Variants in CNNM2 observed in about 807,000 individuals in gnomAD.
CNNM2 encodes cyclin and CBS domain divalent metal cation transport mediator 2, also known as metal transporter CNNM2.
In CNNM2, 12 loss-of-function variants were observed where a neutral mutation model predicts 66.9. The ratio of observed to expected loss-of-function variants is 0.18; its 90% CI spans 0.11 to 0.29. The LOEUF is 0.29. CNNM2 is among the 10% of genes least tolerant of loss of function. The pLI, the probability that CNNM2 is intolerant of heterozygous loss-of-function variation, is 1.00. For missense variants in CNNM2, 705 were observed against 1,167.7 expected, an observed-to-expected ratio of 0.60 and a Z score of 5.77; for synonymous variants, 557 against 501.8, an observed-to-expected ratio of 1.11 and a Z score of -1.47.
chr10:103,015,884 C>T (rs2064437254), intron 1 of CNNM2, among the ~76,000 whole-genome samples: 1 of 151,784 alleles, frequency 6.6e-6, no homozygotes, highest in South Asian at 2.1e-4. Context: ...AAACAAAAAA[C>T]TCAGAAAGGT....
intron 1 of CNNM2, among the ~76,000 whole-genome samples, chr10:102,939,979 A>AAAC (rs141860759): frequency 6.6e-6 from 1 of 150,808 alleles, no homozygotes; most frequent in Non-Finnish European, 1.5e-5. Context: ...AAAAACAAAC[A>AAAC]AACAACAACA....
intron 1 of CNNM2, among the ~76,000 whole-genome samples, chr10:102,985,369 G>T (rs1322628563): frequency 6.6e-6 from 1 of 152,018 alleles, no homozygotes; most frequent in Non-Finnish European, 1.5e-5. Flanking sequence ...TTAAAATTCT[G>T]CTGTGAGTCC....
At chr10:103,015,572 G>A (rs1249056969) in intron 1 of CNNM2, among the ~76,000 whole-genome samples, 3 of 151,934 alleles carry the variant, frequency 2.0e-5, no homozygotes, top group Admixed American at 6.6e-5. Context: ...AAAGGTGCCC[G>A]GCCGGCTGCA....
intron 1 of CNNM2, among the ~76,000 whole-genome samples, chr10:103,034,828 C>T (rs1024842101): frequency 1.3e-5 from 2 of 151,590 alleles, no homozygotes; most frequent in Admixed American, 6.6e-5. Flanking sequence ...TAGCCGGGCG[C>T]GGTGGCGGGC....
At chr10:102,943,818 A>G (rs1347984925) in intron 1 of CNNM2, among the ~76,000 whole-genome samples, 1 of 152,148 alleles carries the variant, frequency 6.6e-6, no homozygotes, top group Non-Finnish European at 1.5e-5. Flanking sequence ...GTCTGTACAC[A>G]TTGTCTGTAG....
Position 102,918,908 on chromosome 10 carries a change from C to G in CNNM2, c.428C>G (p.Pro143Arg), listed in dbSNP as rs1021336523. 6.8e-6 allele frequency: 11 copies of G among 1,611,504 alleles called. No individual in the cohort carries two copies. The highest frequency in any genetic ancestry group is 2.2e-5 in the East Asian group (1 of 44,776). ...RGLGGPAPPE[P>R]DSGPQRCGIR... ...CTGGGGGGCCCCGCGCCGCCAGAGC[C>G]GGACAGCGGCCCCCAGCGATGCGGC... Residue 143 changes from proline (P) to arginine (R), a missense_variant, in exon 1 of 8, where the codon CCG (proline) becomes CGG (arginine). This residue lies in a region of CNNM2 where 100 missense variants were observed against 151.9 expected (regional missense o/e 0.66). Transcript: ENST00000369878. This position sits in a 1 kb window ranked among gnomAD's most constrained non-coding sequence, Gnocchi z 4.1.
At chr10:103,010,762 G>A (rs1381798155) in intron 1 of CNNM2, among the ~76,000 whole-genome samples, 6 of 151,898 alleles carry the variant, frequency 4.0e-5, no homozygotes, top group Non-Finnish European at 8.8e-5. Flanking sequence ...ATAGGCGCCC[G>A]CCACCATGCC....
intron 1 of CNNM2, among the ~76,000 whole-genome samples, chr10:103,040,410 G>GAGA (rs567638557): frequency 6.6e-5 from 10 of 152,090 alleles, no homozygotes; most frequent in African/African-American, 1.9e-4. Flanking sequence ...TTAAGAAGGG[G>GAGA]AGAGTGGAGG....
rs35361809 is a variant in CNNM2 at position 102,934,279 on chromosome 10, C to CT, written c.1621+14191dup. ...AGTCTATTTCTTTCTTTCTTTCTTT[C>CT]TTTTTTTTTTTTTGAGACAGAGCCT... On this transcript the variant is annotated intron_variant, in intron 1 of 7. Coordinates refer to ENST00000369878, the MANE Select transcript of CNNM2 (RefSeq NM_017649.5). 1.7e-3 allele frequency among the ~76,000 whole-genome samples: 224 copies of CT among 133,670 alleles called. 1 individual carries two copies. Among genetic ancestry groups the CT allele is most frequent in the African/African-American group, 5.2e-3 (183 of 35,354 alleles). The allele number at this position is 133,670 out of a possible 152,430, so 87.7% of individuals were successfully genotyped here.
chr10:103,065,602 A>C (rs2134354908), intron 4 of CNNM2, among the ~76,000 whole-genome samples: 1 of 152,338 alleles, frequency 6.6e-6, no homozygotes, highest in East Asian at 1.9e-4. Flanking sequence ...ACAACACAAA[A>C]GGCCCTGTAA....
chr10:102,982,834 A>T (rs907942129), intron 1 of CNNM2, among the ~76,000 whole-genome samples: 1 of 152,218 alleles, frequency 6.6e-6, no homozygotes, highest in African/African-American at 2.4e-5. Flanking sequence ...GTTGCAATAC[A>T]GTTTTGTCAT....
chr10:103,090,187 C>T lies in CNNM2; in HGVS notation c.*13007C>T. 7.5e-6 allele frequency: 3 copies of T among 398,776 alleles called. No individual in the cohort carries two copies. In the South Asian group the frequency reaches 2.0e-4, roughly 26 times the overall value. The allele number at this position is 398,776 out of a possible 1,614,324, so 24.7% of individuals were successfully genotyped here. On this transcript the variant is annotated 3_prime_UTR_variant, in exon 8 of 8. Transcript: ENST00000369878. ...TATTTTACAGCAAAAACAAGATAGT[C>T]CTGAAACAGATCAGAATAAAGGAAT...
chr10:102,970,979 C>T (rs1398625534), intron 1 of CNNM2, among the ~76,000 whole-genome samples: 1 of 151,348 alleles, frequency 6.6e-6, no homozygotes, highest in Non-Finnish European at 1.5e-5. Context: ...TCATGTGAGC[C>T]CAGGAGTTTG....
chr10:103,002,930 T>C (rs2064150889), intron 1 of CNNM2, among the ~76,000 whole-genome samples: 1 of 152,122 alleles, frequency 6.6e-6, no homozygotes, highest in Non-Finnish European at 1.5e-5. Context: ...GAAAAACATA[T>C]ATTCACATAA....
intron 1 of CNNM2, among the ~76,000 whole-genome samples, chr10:103,042,118 T>G (rs1420799201): frequency 6.6e-6 from 1 of 152,252 alleles, no homozygotes; most frequent in Admixed American, 6.5e-5. Flanking sequence ...GCGGCAGCTC[T>G]GTTCCTCTCA....
intron 1 of CNNM2, among the ~76,000 whole-genome samples, chr10:102,943,816 A>C (rs1318330697): frequency 6.6e-6 from 1 of 152,184 alleles, no homozygotes; most frequent in Non-Finnish European, 1.5e-5. Context: ...ATGTCTGTAC[A>C]CATTGTCTGT....
At chr10:103,018,398 A>G (rs371192261) in intron 1 of CNNM2, among the ~76,000 whole-genome samples, 3 of 152,312 alleles carry the variant, frequency 2.0e-5, no homozygotes, top group African/African-American at 7.2e-5. Flanking sequence ...GCCAGTGGAG[A>G]TACTAAGTAG....
chr10:102,952,950 G>A (rs1342385025), intron 1 of CNNM2, among the ~76,000 whole-genome samples: 1 of 152,204 alleles, frequency 6.6e-6, no homozygotes, highest in African/African-American at 2.4e-5. Flanking sequence ...AAGTCAGTTG[G>A]TATATTTATT....
chr10:102,936,118 G>T (rs1468378499), intron 1 of CNNM2, among the ~76,000 whole-genome samples: 1 of 151,832 alleles, frequency 6.6e-6, no homozygotes, highest in Non-Finnish European at 1.5e-5. Flanking sequence ...ATGGGAGTGT[G>T]CAAAGCCTCA....
Sources: allele counts gnomAD v4.1 joint callset (sites outside exome capture counted in the v4.1 genomes callset), GRCh38; gene constraint gnomAD v4.1.1; regional missense constraint gnomAD v4.1.1; non-coding constraint Gnocchi (gnomAD v3.1); transcripts MANE v1.5; gene names NCBI Gene and HGNC (gene_info 2026-07-23, HGNC 2026-07-21).